Variants in REG3G observed in about 807,000 individuals in gnomAD.
REG3G encodes the protein regenerating family member 3 gamma.
REG3G carries 19 observed loss-of-function variants against 20.9 expected under a neutral mutation model. That is an observed-to-expected ratio of 0.91 (90% CI 0.64 to 1.34). The LOEUF is 1.34. Ranked by LOEUF, REG3G falls within the 40% of genes most tolerant of loss-of-function variation. The pLI is 0.00. For missense variants in REG3G, 235 were observed against 205.0 expected (o/e 1.15, Z -0.89); for synonymous variants, 89 against 77.4 (o/e 1.15, Z -0.79).
Position 79,026,471 on chromosome 2 carries a change from G to C in REG3G, c.77-242G>C, listed in dbSNP as rs1373089379. 5 of 597,542 alleles carry C rather than the reference G, an allele frequency of 8.4e-6. No individual in the cohort carries two copies. In the African/African-American group the frequency reaches 9.3e-5, roughly 11 times the overall value. The allele number at this position is 597,542 out of a possible 1,614,324, so 37.0% of individuals were successfully genotyped here. A position where few individuals can be genotyped will look rare whatever the true frequency, so the allele number is the denominator to read the frequency against. Reference sequence around the variant, plus strand: ...CAATGATTGGAGGACCCAATATAGAGATAGCCCACAGTGAAGAGAGTGTTG... The same window carrying C: ...CAATGATTGGAGGACCCAATATAGACATAGCCCACAGTGAAGAGAGTGTTG... On this transcript the variant is annotated intron_variant, in intron 2 of 5. Coordinates refer to ENST00000272324, the MANE Select transcript of REG3G (RefSeq NM_001008387.3).
chr2:79,028,059 T>G lies in REG3G; in HGVS notation c.460+126T>G, dbSNP rs182447884. On this transcript the variant is annotated intron_variant, in intron 5 of 5. Transcript: ENST00000272324. ...ATGTGCCTTCTCCCGTCTCCTCTCA[T>G]CTCTGCCTTCTTTGAGTCTCATTCT... The G allele has an allele frequency of 6.1e-5, 81 of 1,321,700 alleles. No homozygotes were observed. In the African/African-American group the frequency reaches 8.6e-4, roughly 14 times the overall value. 81.9% of individuals were successfully genotyped at this position (1,321,700 alleles called of 1,614,324 possible).
rs943059864 is a variant in REG3G at position 79,027,268 on chromosome 2, G to T, written c.333+97G>T. On this transcript the variant is annotated intron_variant, in intron 4 of 5. Transcript: ENST00000272324. ...AGTCCCTGCCCAGGAAGTACTTTAG[G>T]GAGCACTGGAGCTCAGATTCTGGGG... 14 of 1,277,898 alleles carry T rather than the reference G, an allele frequency of 1.1e-5. No homozygotes were observed. In the African/African-American group the frequency reaches 1.5e-4, roughly 14 times the overall value. 79.2% of individuals were successfully genotyped at this position (1,277,898 alleles called of 1,614,324 possible).
intron 4 of REG3G, 133 bp from the exon 5 acceptor site, chr2:79,027,674 T>C: frequency 1.0e-6 from 1 of 982,636 alleles, no homozygotes; most frequent in Non-Finnish European, 1.6e-6. Flanking sequence ...TGCAGAGGAC[T>C]CTAGGGCAGC....
Position 79,026,121 on chromosome 2 carries a change from G to A in REG3G, c.28G>A (p.Val10Met), listed in dbSNP as rs1279352623. ...GCTGCCTCCCATGGCCCTGCCCAGTGTGTCCTGGATGCTGCTTTCCTGCCT... is the reference window on the plus strand; with the variant it reads ...GCTGCCTCCCATGGCCCTGCCCAGTATGTCCTGGATGCTGCTTTCCTGCCT... Reference protein sequence around the residue: MLPPMALPSVSWMLLSCLIL... With the variant: MLPPMALPSMSWMLLSCLIL... Residue 10 changes from valine to methionine, a missense_variant, in exon 2 of 6, where the codon GTG becomes ATG. Coordinates refer to ENST00000272324, the MANE Select transcript of REG3G (RefSeq NM_001008387.3). The A allele has an allele frequency of 6.2e-6, 10 of 1,613,906 alleles. No individual in the cohort carries two copies. The Admixed American group carries it at 1.7e-4, about 27-fold the overall frequency.
chr2:79,025,821 C>G, intron 1 of REG3G, 48 bp downstream of exon 1: 1 of 393,858 alleles, frequency 2.5e-6, no homozygotes, highest in East Asian at 4.4e-5. Context: ...GGCAACCTCA[C>G]ATAATACAGG....
intron 5 of REG3G, 60 bp from the exon 6 acceptor site, chr2:79,028,149 C>T: frequency 7.4e-6 from 10 of 1,352,176 alleles, no homozygotes; most frequent in Non-Finnish European, 1.1e-5. Flanking sequence ...ACCTGGGATG[C>T]CTCTTCACTG....
At chr2:79,027,709 C>T (rs1237818277) in intron 4 of REG3G, 98 bp from the exon 5 acceptor site, 4 of 1,449,326 alleles carry the variant, frequency 2.8e-6, no homozygotes, top group Non-Finnish European at 2.9e-6. Context: ...ACCAAAATCC[C>T]TGATGCTGGG....
chr2:79,027,262 C>T (rs1671648989), intron 4 of REG3G, 91 bp downstream of exon 4: 1 of 1,369,246 alleles, frequency 7.3e-7, no homozygotes, highest in Non-Finnish European at 1.0e-6. Context: ...CCAGGAAGTA[C>T]TTTAGGGAGC....
chr2:79,026,161 A>G lies in REG3G; in HGVS notation c.68A>G (p.Gln23Arg), dbSNP rs1671614018. Residue 23 changes from glutamine (Q) to arginine (R), a missense_variant, in exon 2 of 6, where the codon CAG becomes CGG. Physicochemically the swap from Gln to Arg is conservative, Grantham distance 43. Transcript: ENST00000272324. ...MLLSCLILLC[Q>R]VQGEETQKEL... ...CTTTCCTGCCTCATTCTCCTGTGTC[A>G]GGTTCAAGGTGAGATTTCTCTGCCT... 1 of 1,613,754 alleles carries G rather than the reference A, an allele frequency of 6.2e-7. No individual in the cohort carries two copies. The highest frequency in any genetic ancestry group is 1.3e-5 in the African/African-American group (1 of 74,900).
chr2:79,025,991 G>C lies in REG3G; in HGVS notation c.-103G>C. On this transcript the variant is annotated 5_prime_UTR_variant, in exon 2 of 6. Transcript: ENST00000272324. Reference sequence around the variant, plus strand: ...GACCAAGATCACTTCAGTCCTAGGGGACTACAGAAGGAAAAAGACAAGAGG... The same window carrying C: ...GACCAAGATCACTTCAGTCCTAGGGCACTACAGAAGGAAAAAGACAAGAGG... 9.4e-7 allele frequency: 1 copy of C among 1,067,082 alleles called. No homozygotes were observed. Among genetic ancestry groups the C allele is most frequent in the Non-Finnish European group, 1.4e-6 (1 of 700,600 alleles). 66.1% of individuals were successfully genotyped at this position (1,067,082 alleles called of 1,614,324 possible). A position where few individuals can be genotyped will look rare whatever the true frequency, so the allele number is the denominator to read the frequency against.
intron 5 of REG3G, 136 bp downstream of exon 5, chr2:79,028,069 CT>C: frequency 7.8e-7 from 1 of 1,287,548 alleles, no homozygotes; most frequent in Non-Finnish European, 1.1e-6. Flanking sequence ...TCTCTGCCTT[CT>C]TTGAGTCTCA....
chr2:79,026,526 C>G, intron 2 of REG3G, 187 bp from the exon 3 acceptor site: 2 of 611,888 alleles, frequency 3.3e-6, no homozygotes, highest in Non-Finnish European at 5.8e-6. Context: ...AGGGTAATAA[C>G]AGACTAGATG....
In REG3G at chr2:79,028,246, G is replaced by T; in HGVS notation, c.498G>T (p.Lys166Asn). Residue 166 changes from lysine to asparagine, a missense_variant, in exon 6 of 6, where the codon AAG (lysine) becomes AAT (asparagine). By Grantham distance (94) the Lys-to-Asn change is moderately conservative. Coordinates refer to ENST00000272324, the MANE Select transcript of REG3G (RefSeq NM_001008387.3). ...GGAAAGATTATAACTGTGATGCAAA[G>T]TTACCCTATGTCTGCAAGTTCAAGG... ...LKWKDYNCDA[K>N]LPYVCKFKD 1.9e-6 allele frequency: 3 copies of T among 1,613,288 alleles called. No homozygotes were observed. Among genetic ancestry groups the T allele is most frequent in the Non-Finnish European group, 2.5e-6 (3 of 1,179,376 alleles).
At chr2:79,026,247 C>T in intron 2 of REG3G, 78 bp downstream of exon 2, 4 of 1,413,728 alleles carry the variant, frequency 2.8e-6, no homozygotes, top group Non-Finnish European at 4.0e-6. Flanking sequence ...TCCTGTGTGT[C>T]ACGTGAGGTA....
rs551552377 is a variant in REG3G, at chr2:79,026,643, T to C, written c.77-70T>C. On this transcript the variant is annotated intron_variant, in intron 2 of 5. Coordinates refer to ENST00000272324, the MANE Select transcript of REG3G (RefSeq NM_001008387.3). Reference sequence around the variant, plus strand: ...CTTCCTCCCCAAGGGCAGACCTAGATATTCCCCAAGGTCATCTCCCACCCA... The same window carrying C: ...CTTCCTCCCCAAGGGCAGACCTAGACATTCCCCAAGGTCATCTCCCACCCA... 49 of 1,248,566 alleles carry C rather than the reference T, an allele frequency of 3.9e-5. No individual in the cohort carries two copies. The African/African-American group carries it at 4.6e-4, about 12-fold the overall frequency. 77.3% of individuals were successfully genotyped at this position (1,248,566 alleles called of 1,614,324 possible). A position where few individuals can be genotyped will look rare whatever the true frequency, so the allele number is the denominator to read the frequency against.
intron 4 of REG3G, 46 bp downstream of exon 4, chr2:79,027,217 G>T: frequency 6.2e-7 from 1 of 1,602,054 alleles, no homozygotes. Context: ...AGGTACTGTT[G>T]TTGCCCAGGC....
intron 4 of REG3G, chr2:79,027,394 T>C: frequency 1.8e-6 from 1 of 543,360 alleles, no homozygotes; most frequent in Non-Finnish European, 3.2e-6. Flanking sequence ...TGTAAAACTT[T>C]TACATAATTC....
chr2:79,026,006 A>C lies in REG3G; in HGVS notation c.-88A>C. On this transcript the variant is annotated 5_prime_UTR_variant, in exon 2 of 6. Transcript: ENST00000272324. ...AGTCCTAGGGGACTACAGAAGGAAAAAGACAAGAGGCAGTAGGATATCTGT... is the reference window on the plus strand; with the variant it reads ...AGTCCTAGGGGACTACAGAAGGAAACAGACAAGAGGCAGTAGGATATCTGT... The C allele has an allele frequency of 2.3e-6, 3 of 1,299,448 alleles. No homozygotes were observed. Among genetic ancestry groups the C allele is most frequent in the Non-Finnish European group, 3.3e-6 (3 of 902,038 alleles). 80.5% of individuals were successfully genotyped at this position (1,299,448 alleles called of 1,614,324 possible).
At chr2:79,028,108 A>T (rs930105845) in intron 5 of REG3G, 101 bp from the exon 6 acceptor site, 1 of 1,268,192 alleles carries the variant, frequency 7.9e-7, no homozygotes. Flanking sequence ...ACTGGTGAAG[A>T]TGAGAGAGAA....
Sources: gnomAD v4.1 joint callset for allele counts on GRCh38, gnomAD v4.1.1 for gene constraint, MANE v1.5 for transcripts, NCBI Gene and HGNC (gene_info 2026-07-23, HGNC 2026-07-21) for gene names.